Variants in KCNIP1 observed in about 807,000 individuals in gnomAD.
KCNIP1 encodes potassium voltage-gated channel interacting protein 1, also known as A-type potassium channel modulatory protein KCNIP1.
A neutral mutation model predicts 33.0 loss-of-function variants in KCNIP1; 18 were observed. The observed-to-expected ratio is 0.55, with a 90% CI of 0.38 to 0.81. The LOEUF is 0.81. Among genes scored for constraint, KCNIP1 ranks in the 30% least tolerant of loss-of-function variants. The pLI, the probability that KCNIP1 is intolerant of heterozygous loss-of-function variation, is 0.00. For missense variants in KCNIP1, 238 were observed against 271.6 expected, an observed-to-expected ratio of 0.88 and a Z score of 0.87; for synonymous variants, 93 against 98.3, an observed-to-expected ratio of 0.95 and a Z score of 0.32.
intron 1 of KCNIP1, among the ~76,000 whole-genome samples, chr5:170,390,079 G>T (rs1581142124): frequency 6.6e-6 from 1 of 152,144 alleles, no homozygotes; most frequent in Non-Finnish European, 1.5e-5. Context: ...CTCACCAGGG[G>T]CCCTCCCAGA....
intron 1 of KCNIP1, among the ~76,000 whole-genome samples, chr5:170,390,737 C>G (rs941054532): frequency 2.6e-5 from 4 of 151,594 alleles, no homozygotes; most frequent in Admixed American, 1.3e-4. Flanking sequence ...CCAGATGGCA[C>G]AGCTTGGTCT....
chr5:170,353,883 G>A (rs770874590), exon 1 of KCNIP1: 24 of 1,613,882 alleles, frequency 1.5e-5, no homozygotes, highest in Admixed American at 1.0e-4. Flanking sequence ...CACCATGAGC[G>A]GCTGCTCCAA....
At chr5:170,605,703 CT>C (rs1308935056) in intron 1 of KCNIP1, among the ~76,000 whole-genome samples, 1 of 150,406 alleles carries the variant, frequency 6.6e-6, no homozygotes, top group Non-Finnish European at 1.5e-5. Context: ...TGCCTGGCTT[CT>C]TTCTCTCAGC....
At chr5:170,667,980 T>A (rs992897026) in intron 1 of KCNIP1, among the ~76,000 whole-genome samples, 1 of 152,210 alleles carries the variant, frequency 6.6e-6, no homozygotes, top group Non-Finnish European at 1.5e-5. Flanking sequence ...TCCAATGGGC[T>A]CATACGTCCA....
chr5:170,478,653 G>A (rs754449953), intron 1 of KCNIP1, among the ~76,000 whole-genome samples: 2 of 152,188 alleles, frequency 1.3e-5, no homozygotes, highest in Non-Finnish European at 2.9e-5. Context: ...AAGAACAATT[G>A]CCAAGATGTC....
At chr5:170,390,517 A>AAAAAAAATATATATAT in intron 1 of KCNIP1, among the ~76,000 whole-genome samples, 4 of 74,546 alleles carry the variant, frequency 5.4e-5, no homozygotes, top group African/African-American at 2.6e-4. Context: ...AAAAAAAACA[A>AAAAAAAATATATATAT]ATATATATAT....
chr5:170,692,073 C>T (rs77523369), intron 1 of KCNIP1, among the ~76,000 whole-genome samples: 3,957 of 152,270 alleles, frequency 0.026, 87 homozygotes, highest in Non-Finnish European at 0.04. Context: ...GCTTGATATA[C>T]ATGCCCTCAA....
At chr5:170,439,442 C>T (rs1393583127) in intron 1 of KCNIP1, among the ~76,000 whole-genome samples, 1 of 152,052 alleles carries the variant, frequency 6.6e-6, no homozygotes, top group Non-Finnish European at 1.5e-5. Context: ...CTGCAGCTCT[C>T]TCCTGCAATG....
At chr5:170,714,474 GT>G (rs937960321) in intron 1 of KCNIP1, among the ~76,000 whole-genome samples, 2 of 152,190 alleles carry the variant, frequency 1.3e-5, no homozygotes, top group Non-Finnish European at 2.9e-5. Flanking sequence ...GGCTGGATGT[GT>G]TTAACAGATA....
chr5:170,726,173 G>A (rs1285018559), intron 5 of KCNIP1, among the ~76,000 whole-genome samples: 1 of 152,062 alleles, frequency 6.6e-6, no homozygotes, highest in Admixed American at 6.6e-5. Context: ...TGCAAGCCAT[G>A]GACTTGGAAA....
intron 1 of KCNIP1, among the ~76,000 whole-genome samples, chr5:170,670,004 G>A (rs772308499): frequency 8.5e-5 from 13 of 152,170 alleles, no homozygotes; most frequent in South Asian, 4.1e-4. Context: ...GAAGAATGCA[G>A]GGTTTGCCTG....
intron 1 of KCNIP1, among the ~76,000 whole-genome samples, chr5:170,505,724 C>T (rs1378118766): frequency 6.6e-6 from 1 of 152,146 alleles, no homozygotes; most frequent in Non-Finnish European, 1.5e-5. Flanking sequence ...AGTAAGCTGT[C>T]CTTGAAACCC....
chr5:170,709,149 G>A lies in KCNIP1; in HGVS notation c.62-9609G>A, dbSNP rs370872117. ...GATTGCTGAGTACAGAGCTCCATAC[G>A]TCTCAATGAGACAAGTTTCTTAATT... On this transcript the variant is annotated intron_variant, in intron 1 of 7. Coordinates refer to ENST00000328939, the MANE Select transcript of KCNIP1 (RefSeq NM_014592.4). Among the ~76,000 whole-genome samples, 11 of 152,172 alleles carry A rather than the reference G, an allele frequency of 7.2e-5. 1 individual carries two copies. In the South Asian group the frequency reaches 1.9e-3, roughly 26 times the overall value.
intron 1 of KCNIP1, among the ~76,000 whole-genome samples, chr5:170,491,995 CT>C (rs1757217677): frequency 1.3e-5 from 2 of 152,192 alleles, no homozygotes; most frequent in Admixed American, 1.3e-4. Context: ...TTGAGTAGTT[CT>C]CTTTTCTTGC....
Position 170,682,784 on chromosome 5 carries a change from C to CTTTTTTTTTTTTTT in KCNIP1, c.62-35962_62-35949dup, listed in dbSNP as rs70979196. On this transcript the variant is annotated intron_variant, in intron 1 of 7. Transcript: ENST00000328939. ...CAACAGCGTCCTATTTTCTTTGTTT[C>CTTTTTTTTTTTTTT]TTTTTTTTTTTTTTTTTTTTTTTTT... 7.3e-3 allele frequency among the ~76,000 whole-genome samples: 524 copies of CTTTTTTTTTTTTTT among 71,392 alleles called. 53 individuals are homozygous for CTTTTTTTTTTTTTT. The highest frequency in any genetic ancestry group is 0.021 in the East Asian group (34 of 1,614). 46.8% of individuals were successfully genotyped at this position (71,392 alleles called of 152,430 possible).
At chr5:170,599,294 C>G (rs1264655213) in intron 1 of KCNIP1, among the ~76,000 whole-genome samples, 4 of 152,118 alleles carry the variant, frequency 2.6e-5, no homozygotes, top group Non-Finnish European at 1.5e-5. Flanking sequence ...AAAGTTGTCA[C>G]CGCAGCACAC....
intron 1 of KCNIP1, among the ~76,000 whole-genome samples, chr5:170,597,839 GA>G (rs1758517022): frequency 8.1e-6 from 1 of 124,058 alleles, no homozygotes; most frequent in Admixed American, 8.0e-5. Context: ...ATGAAAGAAA[GA>G]AAGAAAAGAG....
At chr5:170,483,137 G>A (rs1026074086) in intron 1 of KCNIP1, 1 of 443,492 alleles carries the variant, frequency 2.3e-6, no homozygotes, top group African/African-American at 2.0e-5. Context: ...AGGCTGTGGA[G>A]ACAGGTATTT....
intron 1 of KCNIP1, among the ~76,000 whole-genome samples, chr5:170,637,185 C>T (rs751658122): frequency 2.0e-5 from 3 of 152,130 alleles, no homozygotes; most frequent in African/African-American, 7.2e-5. Flanking sequence ...CCTTTCCAAG[C>T]ACTTCCCAGC....
Sources: allele counts gnomAD v4.1 joint callset (sites outside exome capture counted in the v4.1 genomes callset), GRCh38; gene constraint gnomAD v4.1.1; transcripts MANE v1.5; gene names NCBI Gene and HGNC (gene_info 2026-07-23, HGNC 2026-07-21).